The following PREX1 variants were observed in gnomAD, a reference collection of about 807,000 sequenced individuals.
PREX1 encodes the protein phosphatidylinositol 3,4,5-trisphosphate-dependent Rac exchanger 1 protein.
Under a neutral mutation model 198.3 loss-of-function variants are expected in PREX1, and 41 were observed. The ratio of observed to expected loss-of-function variants is 0.21; its 90% confidence interval spans 0.16 to 0.27. The LOEUF (loss-of-function observed/expected upper bound fraction) is 0.27, where lower values mean the gene tolerates loss of function less well. Ranked by LOEUF, PREX1 falls within the 10% of genes least tolerant of loss-of-function variation. PREX1 has a pLI of 1.00. For synonymous variants in PREX1, 843 were observed against 887.2 expected, an observed-to-expected ratio of 0.95 and a Z score of 0.89; for missense variants, 1,620 against 2,200.7, an observed-to-expected ratio of 0.74 and a Z score of 5.28.
chr20:48,828,930 C>T (rs1019352372), upstream of PREX1, among the ~76,000 whole-genome samples: 5 of 152,162 alleles, frequency 3.3e-5, no homozygotes, highest in African/African-American at 1.2e-4. Flanking sequence ...GGAGGAAGTT[C>T]TGGGGCCTAG....
chr20:48,787,245 C>T (rs1259051551), intron 1 of PREX1, among the ~76,000 whole-genome samples: 2 of 152,104 alleles, frequency 1.3e-5, no homozygotes, highest in East Asian at 1.9e-4. Context: ...CCCTGACACT[C>T]GTGTCTGCTT....
intron 5 of PREX1, among the ~76,000 whole-genome samples, chr20:48,715,506 C>T (rs902342766): frequency 2.0e-5 from 3 of 152,162 alleles, no homozygotes; most frequent in Non-Finnish European, 4.4e-5. Context: ...GTCTCTACTT[C>T]GCCTCCACCA....
chr20:48,697,991 C>T (rs2089855682), intron 7 of PREX1, among the ~76,000 whole-genome samples: 1 of 152,190 alleles, frequency 6.6e-6, no homozygotes, highest in Non-Finnish European at 1.5e-5. Context: ...ATTGCCTGCA[C>T]CCACATCAGA....
chr20:48,674,520 T>C (rs2089695710), intron 14 of PREX1, among the ~76,000 whole-genome samples: 1 of 152,242 alleles, frequency 6.6e-6, no homozygotes, highest in African/African-American at 2.4e-5. Flanking sequence ...CAATGTGTTC[T>C]TTTTACAAAC....
intron 1 of PREX1, chr20:48,821,886 T>C (rs1269705602): frequency 1.3e-5 from 2 of 152,182 alleles, no homozygotes; most frequent in African/African-American, 2.4e-5. Context: ...TAAAAGTAGG[T>C]AGGCTTCCAG....
At chr20:48,842,827 G>A in the PREX1 span, among the ~76,000 whole-genome samples, 1 of 151,744 alleles carries the variant, frequency 6.6e-6, no homozygotes, top group Non-Finnish European at 1.5e-5. Flanking sequence ...TCTATAAATG[G>A]GGATGATAAT....
intron 1 of PREX1, among the ~76,000 whole-genome samples, chr20:48,782,247 C>T (rs1342347168): frequency 6.6e-6 from 1 of 152,154 alleles, no homozygotes; most frequent in Non-Finnish European, 1.5e-5. Context: ...GGGAGGGACA[C>T]AGTGGGAGAT....
At chr20:48,705,106 T>C (rs894176824) in intron 6 of PREX1, among the ~76,000 whole-genome samples, 1 of 152,242 alleles carries the variant, frequency 6.6e-6, no homozygotes, top group African/African-American at 2.4e-5. Flanking sequence ...CCGAGGACTC[T>C]GTAAGCATCA....
At chr20:48,724,832 G>A (rs930811956) in intron 5 of PREX1, among the ~76,000 whole-genome samples, 1 of 152,216 alleles carries the variant, frequency 6.6e-6, no homozygotes, top group Admixed American at 6.5e-5. Flanking sequence ...TTGGTCCACA[G>A]GCTACCAGTT....
At chr20:48,757,563 G>T (rs984664956) in intron 1 of PREX1, among the ~76,000 whole-genome samples, 1 of 152,204 alleles carries the variant, frequency 6.6e-6, no homozygotes, top group African/African-American at 2.4e-5. Context: ...TAAAATCTGT[G>T]TAATGGAGCC....
At chr20:48,875,010 C>A in the PREX1 span, among the ~76,000 whole-genome samples, 3 of 152,146 alleles carry the variant, frequency 2.0e-5, no homozygotes, top group African/African-American at 4.8e-5. Flanking sequence ...AAGCTAGTAT[C>A]CCTGATCAGA....
chr20:48,812,122 C>T (rs193031513), intron 1 of PREX1, among the ~76,000 whole-genome samples: 1 of 152,328 alleles, frequency 6.6e-6, no homozygotes, highest in Non-Finnish European at 1.5e-5. Context: ...CCAAAGGGTC[C>T]TAAACCCAGG....
intron 13 of PREX1, 23 bp downstream of exon 13, chr20:48,679,336 TG>T (rs770200667): frequency 1.2e-6 from 2 of 1,601,608 alleles, no homozygotes; most frequent in African/African-American, 2.7e-5. Context: ...GAGGTGAAAT[TG>T]GAGCTTGGAA....
At chr20:48,769,572 T>G (rs563062404) in intron 1 of PREX1, among the ~76,000 whole-genome samples, 9 of 152,236 alleles carry the variant, frequency 5.9e-5, no homozygotes, top group Admixed American at 4.6e-4. Flanking sequence ...CCTACGCAAC[T>G]CCCTTCTCCC....
At chr20:48,790,405 A>G (rs73258498) in intron 1 of PREX1, among the ~76,000 whole-genome samples, 2,519 of 152,236 alleles carry the variant, frequency 0.017, 78 homozygotes, top group African/African-American at 0.058. Context: ...AGAGGAACAA[A>G]AGGCTCCACT....
At chr20:48,643,560 G>A (rs2089429784) in intron 27 of PREX1, among the ~76,000 whole-genome samples, 1 of 152,132 alleles carries the variant, frequency 6.6e-6, no homozygotes, top group Non-Finnish European at 1.5e-5. Flanking sequence ...CCACCCACCT[G>A]CCCATCCATG....
At chr20:48,842,236 G>A in the PREX1 span, among the ~76,000 whole-genome samples, 1 of 152,092 alleles carries the variant, frequency 6.6e-6, no homozygotes, top group African/African-American at 2.4e-5. Context: ...AGTGATTTAG[G>A]CGGCCACAGA....
chr20:48,649,595 G>C lies in PREX1; in HGVS notation c.3029-19C>G, dbSNP rs1218113464. ...AGGTGGCCTGCAGTGGAGGAAGAGA[G>C]AGCTCACTGGAAAACAGCCCCCAGC... On this transcript the variant is annotated intron_variant, in intron 24 of 39. Coordinates refer to ENST00000371941, the MANE Select transcript of PREX1 (RefSeq NM_020820.4). The C allele has an allele frequency of 1.3e-6, 2 of 1,558,228 alleles. No homozygotes were observed. Among genetic ancestry groups the C allele is most frequent in the Non-Finnish European group, 1.7e-6 (2 of 1,148,606 alleles).
At chr20:48,746,766 A>C (rs1002894990) in intron 2 of PREX1, among the ~76,000 whole-genome samples, 19 of 151,432 alleles carry the variant, frequency 1.3e-4, no homozygotes, top group African/African-American at 4.6e-4. Flanking sequence ...TTAAAAAAAA[A>C]GGTAATTTTT....
Sources: gnomAD v4.1 joint callset for allele counts (sites outside exome capture counted in the v4.1 genomes callset) on GRCh38, gnomAD v4.1.1 for gene constraint, MANE v1.5 for transcripts, NCBI Gene and HGNC (gene_info 2026-07-23, HGNC 2026-07-21) for gene names.